SLC28A1: variants seen among roughly 807,000 people sequenced by gnomAD.
SLC28A1 encodes the protein solute carrier family 28 member 1, also known as sodium/nucleoside cotransporter 1.
SLC28A1 carries 64 observed loss-of-function variants against 74.8 expected under a neutral mutation model. The ratio of observed to expected loss-of-function variants is 0.86; its 90% CI spans 0.70 to 1.05. SLC28A1 has a LOEUF of 1.05. Among genes scored for constraint, SLC28A1 ranks in the 50% least tolerant of loss-of-function variants. SLC28A1 has a pLI of 0.00. For synonymous variants in SLC28A1, 359 were observed against 335.0 expected, an observed-to-expected ratio of 1.07 and a Z score of -0.78; for missense variants, 828 against 822.8, an observed-to-expected ratio of 1.01 and a Z score of -0.08.
chr15:84,921,155 A>C, intron 11 of SLC28A1, 86 bp downstream of exon 11: 1 of 1,007,092 alleles, frequency 9.9e-7, no homozygotes, highest in Non-Finnish European at 1.6e-6. Flanking sequence ...GCTCTGATTC[A>C]GTCCAAGGAA....
intron 13 of SLC28A1, among the ~76,000 whole-genome samples, chr15:84,934,410 T>C (rs990526880): frequency 8.5e-5 from 13 of 152,176 alleles, no homozygotes; most frequent in African/African-American, 3.1e-4. Flanking sequence ...CCATCTTTGA[T>C]TTCACTCACC....
chr15:84,919,979 T>A (rs1173777874), intron 10 of SLC28A1, among the ~76,000 whole-genome samples: 1 of 152,158 alleles, frequency 6.6e-6, no homozygotes, highest in Non-Finnish European at 1.5e-5. Flanking sequence ...ATTGAAACCA[T>A]GCCCTCCACA....
chr15:84,942,456 T>G (rs1447660537), intron 15 of SLC28A1, among the ~76,000 whole-genome samples: 13 of 152,248 alleles, frequency 8.5e-5, no homozygotes, highest in Admixed American at 8.5e-4. Flanking sequence ...TAAAACTTCT[T>G]TCTGGGAAAT....
At chr15:84,923,269 C>T (rs569853672) in intron 11 of SLC28A1, among the ~76,000 whole-genome samples, 1 of 152,116 alleles carries the variant, frequency 6.6e-6, no homozygotes, top group Non-Finnish European at 1.5e-5. Flanking sequence ...AACCAGTAGG[C>T]ATTATCACAC....
At chr15:84,904,392 C>T (rs1057048232) in intron 7 of SLC28A1, among the ~76,000 whole-genome samples, 154 bp downstream of exon 7, 1 of 152,138 alleles carries the variant, frequency 6.6e-6, no homozygotes, top group African/African-American at 2.4e-5. Context: ...TCAGGATAGG[C>T]TTCCTGTGAA....
the SLC28A1 span, among the ~76,000 whole-genome samples, chr15:84,963,103 C>T: frequency 2.0e-5 from 3 of 152,270 alleles, no homozygotes; most frequent in South Asian, 4.2e-4. Flanking sequence ...GGAGACTCAA[C>T]GATATGCCTG....
At chr15:84,967,977 T>C in the SLC28A1 span, among the ~76,000 whole-genome samples, 422 of 152,286 alleles carry the variant, frequency 2.8e-3, 6 homozygotes, top group African/African-American at 9.7e-3. Context: ...CAGGATTTCC[T>C]ATCTGGTCCA....
At chr15:84,953,974 T>C in the SLC28A1 span, among the ~76,000 whole-genome samples, 6 of 152,296 alleles carry the variant, frequency 3.9e-5, no homozygotes, top group African/African-American at 1.4e-4. Flanking sequence ...ACCGCTGAGT[T>C]CCTGCTTTTG....
chr15:84,975,014 T>C, the SLC28A1 span, among the ~76,000 whole-genome samples: 1 of 152,070 alleles, frequency 6.6e-6, no homozygotes, highest in African/African-American at 2.4e-5. Context: ...CACCCCCAGA[T>C]ATAACAGGGT....
intron 13 of SLC28A1, among the ~76,000 whole-genome samples, chr15:84,934,050 A>G (rs868570250): frequency 2.0e-5 from 3 of 152,342 alleles, no homozygotes; most frequent in Middle Eastern, 3.4e-3. Context: ...TCAGGAATGG[A>G]TTCATCCATT....
chr15:84,972,347 GGTCTTCACCCTGTGACCATGGGCAA>G, the SLC28A1 span, among the ~76,000 whole-genome samples: 1 of 152,198 alleles, frequency 6.6e-6, no homozygotes, highest in Admixed American at 6.5e-5. Context: ...CCTGGGTTTG[GGTCTTCACCCTGTGACCATGGGCAA>G]GTCACCTCCC....
chr15:84,935,883 A>G (rs1479284535), intron 15 of SLC28A1, among the ~76,000 whole-genome samples: 2 of 151,614 alleles, frequency 1.3e-5, no homozygotes, highest in East Asian at 1.9e-4. Context: ...TGTGCACCCA[A>G]TGAGCTGGGA....
chr15:84,956,120 T>A, the SLC28A1 span, among the ~76,000 whole-genome samples: 15 of 152,216 alleles, frequency 9.9e-5, no homozygotes, highest in Admixed American at 9.8e-4. Context: ...GTTACTTACA[T>A]CCATATTTCT....
At chr15:84,906,536 C>A in intron 8 of SLC28A1, among the ~76,000 whole-genome samples, 1 of 13,060 alleles carries the variant, frequency 7.7e-5, no homozygotes, top group African/African-American at 1.7e-4. Flanking sequence ...TTGTTTCTTT[C>A]TTTCTTTCTT....
intron 9 of SLC28A1, among the ~76,000 whole-genome samples, chr15:84,915,910 A>G (rs1969011669): frequency 6.6e-6 from 1 of 151,700 alleles, no homozygotes; most frequent in South Asian, 2.1e-4. Flanking sequence ...AGTGAATTGC[A>G]TCCACCAGCC....
the SLC28A1 span, among the ~76,000 whole-genome samples, chr15:84,950,865 T>C: frequency 6.6e-6 from 1 of 152,044 alleles, no homozygotes; most frequent in African/African-American, 2.4e-5. Flanking sequence ...AGTAAATATT[T>C]CAGCTTTCGT....
chr15:84,918,065 C>T (rs959301867), intron 9 of SLC28A1, among the ~76,000 whole-genome samples: 19 of 152,064 alleles, frequency 1.2e-4, no homozygotes, highest in African/African-American at 3.9e-4. Context: ...ATGAGGGTCC[C>T]CTCATTCAGG....
At chr15:84,954,783 C>G in the SLC28A1 span, among the ~76,000 whole-genome samples, 1 of 152,074 alleles carries the variant, frequency 6.6e-6, no homozygotes, top group Non-Finnish European at 1.5e-5. Flanking sequence ...ATTAATAATA[C>G]TGAGTCATTG....
At chr15:84,918,889 T>C (rs576862330) in intron 10 of SLC28A1, among the ~76,000 whole-genome samples, 1 of 63,228 alleles carries the variant, frequency 1.6e-5, no homozygotes, top group African/African-American at 5.6e-5. Context: ...GCTTCTGAAG[T>C]CCATATCTTC....
Sources: gnomAD v4.1 joint callset for allele counts (sites outside exome capture counted in the v4.1 genomes callset) on GRCh38, gnomAD v4.1.1 for gene constraint, MANE v1.5 for transcripts, NCBI Gene and HGNC (gene_info 2026-07-23, HGNC 2026-07-21) for gene names.